The following SLC4A10 variants were observed in gnomAD, a reference collection of about 807,000 sequenced individuals.
SLC4A10 encodes the protein sodium-driven chloride bicarbonate exchanger.
In SLC4A10, 42 loss-of-function variants were observed where a neutral mutation model predicts 137.7. The ratio of observed to expected loss-of-function variants is 0.30; its 90% CI spans 0.24 to 0.39. SLC4A10 has a LOEUF of 0.39. Ranked by LOEUF, SLC4A10 falls within the 10% of genes least tolerant of loss-of-function variation. SLC4A10 has a pLI of 1.00. For missense variants in SLC4A10, 925 were observed against 1,355.0 expected (o/e 0.68, Z 4.98); for synonymous variants, 474 against 464.1 (o/e 1.02, Z -0.27).
chr2:161,815,286 G>A (rs1001819983), intron 3 of SLC4A10, among the ~76,000 whole-genome samples: 13 of 152,178 alleles, frequency 8.5e-5, no homozygotes, highest in South Asian at 6.2e-4. Context: ...GATTTTGGGG[G>A]CGGTTTCCCT....
intron 1 of SLC4A10, among the ~76,000 whole-genome samples, chr2:161,645,667 T>G (rs2035933264): frequency 6.6e-6 from 1 of 152,070 alleles, no homozygotes; most frequent in East Asian, 1.9e-4. Context: ...GTGTGGATTT[T>G]GTTATATTTT....
rs188359426 is a variant in SLC4A10, at chr2:161,864,285, G to A, written c.766+1223G>A. On this transcript the variant is annotated intron_variant, in intron 6 of 26. Coordinates refer to ENST00000446997, the MANE Select transcript of SLC4A10 (RefSeq NM_001178015.2). ...CTTTACTGGAAAGACTGATTTCCAC[G>A]AATGGATGAAAGCACATGTAATGAC... 1.7e-4 allele frequency among the ~76,000 whole-genome samples: 26 copies of A among 152,108 alleles called. No homozygotes were observed. In the East Asian group the frequency reaches 5.0e-3, roughly 29 times the overall value.
chr2:161,945,851 A>G (rs1206564895), intron 16 of SLC4A10, among the ~76,000 whole-genome samples: 6 of 151,984 alleles, frequency 3.9e-5, no homozygotes, highest in Non-Finnish European at 7.4e-5. Flanking sequence ...CTATGTTCTT[A>G]AGAATTGAGA....
rs968242423 is a variant in SLC4A10 at position 161,840,446 on chromosome 2, C to T, written c.416+519C>T. The stretch of plus-strand genomic sequence containing the variant: ...AAAATATCTTTTAAAATCACTTTTT[C>T]TATCATTTGTAATTAAGATTTTTAC... On this transcript the variant is annotated intron_variant, in intron 4 of 26. Transcript: ENST00000446997. Among the ~76,000 whole-genome samples the T allele has an allele frequency of 2.6e-5, 4 of 152,192 alleles. No homozygotes were observed. The South Asian group carries it at 8.3e-4, about 32-fold the overall frequency.
chr2:161,758,846 T>A (rs1027821820), intron 1 of SLC4A10, among the ~76,000 whole-genome samples: 1 of 151,982 alleles, frequency 6.6e-6, no homozygotes, highest in Non-Finnish European at 1.5e-5. Context: ...ATACTGATAT[T>A]TGGGAGCATT....
intron 3 of SLC4A10, among the ~76,000 whole-genome samples, chr2:161,810,424 A>C (rs1417021790): frequency 6.6e-6 from 1 of 151,962 alleles, no homozygotes; most frequent in East Asian, 1.9e-4. Flanking sequence ...TGGTAAGAGT[A>C]GGCATCACTT....
chr2:161,657,566 T>C (rs1417292228), intron 1 of SLC4A10, among the ~76,000 whole-genome samples: 1 of 152,010 alleles, frequency 6.6e-6, no homozygotes, highest in South Asian at 2.1e-4. Context: ...TTTTTAACAA[T>C]GAAGCAAATG....
At position 161,626,793 on chromosome 2, in the gene SLC4A10, G is replaced by T. The variant is rs115669685; in HGVS notation, c.48+2227G>T. Among the ~76,000 whole-genome samples, 550 of 152,154 alleles carry T rather than the reference G, an allele frequency of 3.6e-3. 2 individuals carry two copies. The highest frequency in any genetic ancestry group is 0.012 in the African/African-American group (506 of 41,528). Reference sequence around the variant, plus strand: ...GTCATCTAAAACTAGTTCAGAAATTGTTTTAAAAATTCAATATTTTTTACA... The same window carrying T: ...GTCATCTAAAACTAGTTCAGAAATTTTTTTAAAAATTCAATATTTTTTACA... On this transcript the variant is annotated intron_variant, in intron 1 of 26. Transcript: ENST00000446997.
chr2:161,960,346 A>G (rs1204409346), intron 21 of SLC4A10, among the ~76,000 whole-genome samples: 5 of 145,908 alleles, frequency 3.4e-5, no homozygotes, highest in Non-Finnish European at 1.5e-5. Context: ...CCTGGGAGGC[A>G]GAAAGAGACT....
chr2:161,767,129 A>G lies in SLC4A10; in HGVS notation c.49-3844A>G, dbSNP rs1173273568. On this transcript the variant is annotated intron_variant, in intron 1 of 26. Transcript: ENST00000446997. ...TATATATATATATATATATATATAT[A>G]TATATATATATGTGTGTGTGTGTGT... Among the ~76,000 whole-genome samples, 66 of 84,492 alleles carry G rather than the reference A, an allele frequency of 7.8e-4. 2 individuals carry two copies. The South Asian group carries it at 0.021, about 27-fold the overall frequency. The allele number at this position is 84,492 out of a possible 152,430, so 55.4% of individuals were successfully genotyped here. A position where few individuals can be genotyped will look rare whatever the true frequency, so the allele number is the denominator to read the frequency against.
intron 15 of SLC4A10, among the ~76,000 whole-genome samples, chr2:161,930,460 A>G (rs1292327316): frequency 6.6e-6 from 1 of 151,846 alleles, no homozygotes; most frequent in Non-Finnish European, 1.5e-5. Context: ...TTTATACACC[A>G]TTATATATAG....
At chr2:161,779,524 T>A (rs1419400068) in intron 2 of SLC4A10, among the ~76,000 whole-genome samples, 3 of 152,010 alleles carry the variant, frequency 2.0e-5, no homozygotes, top group African/African-American at 7.2e-5. Context: ...CTAAAATTGT[T>A]TTCTAACTAG....
intron 12 of SLC4A10, chr2:161,901,935 G>T: frequency 2.4e-6 from 1 of 409,024 alleles, no homozygotes; most frequent in Non-Finnish European, 4.8e-6. Context: ...ATTTTTGGTG[G>T]TATTTTTTTT....
intron 1 of SLC4A10, among the ~76,000 whole-genome samples, chr2:161,744,006 T>A (rs750050229): frequency 3.9e-5 from 6 of 152,176 alleles, no homozygotes; most frequent in South Asian, 2.1e-4. Context: ...CTGAATTTTT[T>A]AAATCAGCTC....
chr2:161,920,621 T>A (rs1377018136), intron 15 of SLC4A10, among the ~76,000 whole-genome samples: 1 of 152,222 alleles, frequency 6.6e-6, no homozygotes, highest in Non-Finnish European at 1.5e-5. Flanking sequence ...TAAAGATGAA[T>A]TTTGTGTTGG....
intron 15 of SLC4A10, among the ~76,000 whole-genome samples, chr2:161,912,080 G>A (rs1160134736): frequency 6.6e-6 from 1 of 151,998 alleles, no homozygotes; most frequent in Non-Finnish European, 1.5e-5. Flanking sequence ...TGTCCCTAAT[G>A]AATTATGAGC....
chr2:161,660,830 T>A (rs78158994), intron 1 of SLC4A10, among the ~76,000 whole-genome samples: 116,859 of 150,108 alleles, frequency 0.78, 45,976 homozygotes, highest in East Asian at 0.85. Context: ...ATTTTTTTTT[T>A]ATTTTTATTT....
intron 16 of SLC4A10, among the ~76,000 whole-genome samples, chr2:161,946,395 G>T (rs1380662646): frequency 1.3e-5 from 2 of 151,944 alleles, no homozygotes; most frequent in African/African-American, 4.8e-5. Context: ...TACAATCTTT[G>T]GAGTGTATTT....
chr2:161,822,656 T>C (rs919939100), intron 3 of SLC4A10, among the ~76,000 whole-genome samples: 1 of 152,148 alleles, frequency 6.6e-6, no homozygotes, highest in Non-Finnish European at 1.5e-5. Context: ...ATTATGTAGT[T>C]TTTGTATATT....
Sources: gnomAD v4.1 joint callset for allele counts (sites outside exome capture counted in the v4.1 genomes callset) on GRCh38, gnomAD v4.1.1 for gene constraint, MANE v1.5 for transcripts, NCBI Gene and HGNC (gene_info 2026-07-23, HGNC 2026-07-21) for gene names.